CLSTN3: variants seen among roughly 807,000 people sequenced by gnomAD.
CLSTN3 encodes calsyntenin 3.
In CLSTN3, 36 loss-of-function variants were observed where a neutral mutation model predicts 95.9. That is an observed-to-expected ratio of 0.38 (90% CI 0.29 to 0.50). CLSTN3 has a LOEUF of 0.50. Among genes scored for constraint, CLSTN3 ranks in the 20% least tolerant of loss-of-function variants. CLSTN3 has a pLI of 0.95. For synonymous variants in CLSTN3, 481 were observed against 504.0 expected (o/e 0.95, Z 0.61); for missense variants, 1,084 against 1,268.8 (o/e 0.85, Z 2.21).
chr12:7,143,425 G>C, intron 12 of CLSTN3, 114 bp downstream of exon 12: 1 of 1,210,700 alleles, frequency 8.3e-7, no homozygotes, highest in South Asian at 1.5e-5. Context: ...TATGGATGAG[G>C]AGATTGGGCC....
Position 7,151,054 on chromosome 12 carries a change from A to G in CLSTN3, c.2518A>G (p.Arg840Gly). The G allele has an allele frequency of 6.2e-7, 1 of 1,600,644 alleles. No homozygotes were observed. Among genetic ancestry groups the G allele is most frequent in the Non-Finnish European group, 8.5e-7 (1 of 1,173,012 alleles). The change falls in exon 16 of 18, where the codon AGA (arginine) becomes GGA (glycine). Residue 840 changes from arginine to glycine, a missense_variant. Coordinates refer to ENST00000266546, the MANE Select transcript of CLSTN3 (RefSeq NM_014718.4). ...MAGHSLASSH[R>G]NSMIPSAATL... is the part of the protein sequence containing the mutation. Reference sequence around the variant, plus strand: ...TGGACACAGCCTAGCCAGCTCCCACAGAAACTCCAGTACGTAAGCCTGGTG... The same window carrying G: ...TGGACACAGCCTAGCCAGCTCCCACGGAAACTCCAGTACGTAAGCCTGGTG...
At chr12:7,135,767 A>G (rs1219341922) in intron 4 of CLSTN3, 37 bp from the exon 5 acceptor site, 1 of 1,560,170 alleles carries the variant, frequency 6.4e-7, no homozygotes, top group Non-Finnish European at 8.7e-7. Flanking sequence ...GGCTTTCTCC[A>G]ATGCTCTAAT....
At chr12:7,155,959 A>C in intron 16 of CLSTN3, 1 of 307,322 alleles carries the variant, frequency 3.3e-6, no homozygotes, top group South Asian at 2.7e-5. Flanking sequence ...TGTGGGTGTG[A>C]GTGTGAGGAG....
At chr12:7,153,328 A>G (rs914614492) in intron 16 of CLSTN3, among the ~76,000 whole-genome samples, 1 of 152,122 alleles carries the variant, frequency 6.6e-6, no homozygotes, top group Non-Finnish European at 1.5e-5. Flanking sequence ...GACTTTTTAT[A>G]GAGACAAGGT....
Position 7,157,737 on chromosome 12 carries a change from A to C in CLSTN3, c.2730+46A>C. ...GGGTTCTGTAGGGTCAAGACTGTGG[A>C]GCACACACGGTGAGGACTCCTGAGG... On this transcript the variant is annotated intron_variant, in intron 17 of 17. Transcript: ENST00000266546. This position sits in a 1 kb window ranked among gnomAD's most constrained non-coding sequence, Gnocchi z 5.9. 1 of 1,540,346 alleles carries C rather than the reference A, an allele frequency of 6.5e-7. No individual in the cohort carries two copies. The highest frequency in any genetic ancestry group is 8.8e-7 in the Non-Finnish European group (1 of 1,139,312).
upstream of CLSTN3, chr12:7,130,303 T>TGGCCC: frequency 1.3e-6 from 1 of 778,326 alleles, no homozygotes; most frequent in Non-Finnish European, 1.6e-6. Context: ...CAGCACCTGG[T>TGGCCC]CCCCCCCCCT....
rs765911144 is a variant in CLSTN3, at chr12:7,149,246, T to C, written c.2074+48T>C. The C allele has an allele frequency of 2.0e-6, 3 of 1,526,390 alleles. No homozygotes were observed. Among genetic ancestry groups the C allele is most frequent in the Admixed American group, 1.8e-5 (1 of 56,774 alleles). 94.6% of individuals were successfully genotyped at this position (1,526,390 alleles called of 1,614,324 possible). ...ACACCATCCAGAGAACCAGCCAGTGTCTGGAGTCAGAGTGTGGGAGAACTC... is the reference window on the plus strand; with the variant it reads ...ACACCATCCAGAGAACCAGCCAGTGCCTGGAGTCAGAGTGTGGGAGAACTC... On this transcript the variant is annotated intron_variant, in intron 13 of 17. Transcript: ENST00000266546. The surrounding 1 kb of genome is among the most constrained non-coding windows in gnomAD (Gnocchi z 4.5).
Position 7,150,785 on chromosome 12 carries a change from G to A in CLSTN3, c.2391+96G>A, listed in dbSNP as rs1033106091. 1 of 1,567,440 alleles carries A rather than the reference G, an allele frequency of 6.4e-7. No homozygotes were observed. The highest frequency in any genetic ancestry group is 8.7e-7 in the Non-Finnish European group (1 of 1,148,862). On this transcript the variant is annotated intron_variant, in intron 15 of 17. Transcript: ENST00000266546. This position sits in a 1 kb window ranked among gnomAD's most constrained non-coding sequence, Gnocchi z 4.0. The stretch of plus-strand genomic sequence containing the variant: ...AATGTTAGTTGGTGGGCATGGACAT[G>A]GCAGCGTGGAGGGCTGCTGGACCTT...
At chr12:7,151,864 G>T (rs935959994) in intron 16 of CLSTN3, among the ~76,000 whole-genome samples, 1 of 152,098 alleles carries the variant, frequency 6.6e-6, no homozygotes, top group Non-Finnish European at 1.5e-5. Context: ...ACCAGCCTGG[G>T]CAACACAGTG....
chr12:7,153,452 C>T (rs886807325), intron 16 of CLSTN3, among the ~76,000 whole-genome samples: 12 of 152,242 alleles, frequency 7.9e-5, no homozygotes, highest in South Asian at 2.1e-4. Context: ...GACTTGCAGA[C>T]GCCTTTTTCA....
chr12:7,130,913 C>T (rs1348296238), intron 1 of CLSTN3: 1 of 622,368 alleles, frequency 1.6e-6, no homozygotes, highest in African/African-American at 1.8e-5. Context: ...CTTTCTGGTC[C>T]ATCTCTACCC....
At chr12:7,143,066 C>T (rs1362474117) in intron 11 of CLSTN3, 40 bp downstream of exon 11, 4 of 1,599,958 alleles carry the variant, frequency 2.5e-6, no homozygotes, top group Non-Finnish European at 3.4e-6. Context: ...CCCAGCATGC[C>T]CCTTGCCCCA....
intron 12 of CLSTN3, among the ~76,000 whole-genome samples, chr12:7,145,312 T>TA (rs1249571239): frequency 6.6e-6 from 1 of 151,846 alleles, no homozygotes; most frequent in Non-Finnish European, 1.5e-5. Flanking sequence ...GCTATCCTAA[T>TA]ACTTCCCTGA....
rs1939278477 is a variant in CLSTN3 at position 7,130,635 on chromosome 12, C to T, written c.-14C>T. ...GAGGCAAACGCCTGGCCCTGCCCTG[C>T]CCCACGCCGCACCATGACCCTCCTG... On this transcript the variant is annotated 5_prime_UTR_variant, in exon 1 of 18. Transcript: ENST00000266546. The T allele has an allele frequency of 2.6e-6, 4 of 1,561,648 alleles. No individual in the cohort carries two copies. The African/African-American group carries it at 5.4e-5, about 21-fold the overall frequency.
chr12:7,149,778 T>A lies in CLSTN3; in HGVS notation c.2245+85T>A. On this transcript the variant is annotated intron_variant, in intron 14 of 17. Transcript: ENST00000266546. This position sits in a 1 kb window ranked among gnomAD's most constrained non-coding sequence, Gnocchi z 4.5. ...CCTAGGAAGCCCAGAGGGTCCTCCTTCCAGGTCCAGGGATGTGGACAAGTG... is the reference window on the plus strand; with the variant it reads ...CCTAGGAAGCCCAGAGGGTCCTCCTACCAGGTCCAGGGATGTGGACAAGTG... 1 of 1,297,496 alleles carries A rather than the reference T, an allele frequency of 7.7e-7. No homozygotes were observed. The highest frequency in any genetic ancestry group is 1.1e-6 in the Non-Finnish European group (1 of 938,292). The allele number at this position is 1,297,496 out of a possible 1,614,324, so 80.4% of individuals were successfully genotyped here.
At chr12:7,147,562 A>G (rs1407868051) in intron 12 of CLSTN3, among the ~76,000 whole-genome samples, 1 of 144,960 alleles carries the variant, frequency 6.9e-6, no homozygotes, top group Non-Finnish European at 1.5e-5. Flanking sequence ...CCCAGGCTGG[A>G]GTGCAGTGGC....
At position 7,142,110 on chromosome 12, in the gene CLSTN3, A is replaced by T. The variant is rs373109051; in HGVS notation, c.1511A>T (p.Lys504Met). Residue 504 changes from lysine (K) to methionine (M), a missense_variant, in exon 10 of 18, where the codon AAG becomes ATG. Physicochemically the swap from Lys to Met is moderately conservative, Grantham distance 95. Coordinates refer to ENST00000266546, the MANE Select transcript of CLSTN3 (RefSeq NM_014718.4). ...GAGGAGAAGAACAAAGAGAAGGAAA[A>T]GGGAGACAACAGTACAGACACCACC... The part of the protein sequence containing the change: ...WTEEKNKEKE[K>M]GDNSTDTTQG... 4.9e-5 allele frequency: 79 copies of T among 1,605,954 alleles called. No homozygotes were observed. The highest frequency in any genetic ancestry group is 6.4e-5 in the Non-Finnish European group (75 of 1,175,316).
chr12:7,131,848 C>T (rs1276340993), intron 1 of CLSTN3: 1 of 456,424 alleles, frequency 2.2e-6, no homozygotes. Flanking sequence ...AGTAAGAAAG[C>T]CTTCCCATGC....
rs947521016 is a variant in CLSTN3, at chr12:7,130,384, G to T, written c.-265G>T. ...TGTGCTGACGTCATCCTGCAGTAGC[G>T]GGGTTGGGGTGGGAGTGAGAGAGTG... is the stretch of plus-strand genomic sequence containing the variant. On this transcript the variant is annotated 5_prime_UTR_variant, in exon 1 of 18. Transcript: ENST00000266546. The T allele has an allele frequency of 1.6e-4, 232 of 1,411,660 alleles. No individual in the cohort carries two copies. The highest frequency in any genetic ancestry group is 2.1e-4 in the Non-Finnish European group (223 of 1,084,264). The allele number at this position is 1,411,660 out of a possible 1,614,324, so 87.4% of individuals were successfully genotyped here. A position where few individuals can be genotyped will look rare whatever the true frequency, so the allele number is the denominator to read the frequency against.
Sources: gnomAD v4.1 joint callset for allele counts (sites outside exome capture counted in the v4.1 genomes callset) on GRCh38, gnomAD v4.1.1 for gene constraint, Gnocchi (gnomAD v3.1) non-coding constraint, MANE v1.5 for transcripts, NCBI Gene and HGNC (gene_info 2026-07-23, HGNC 2026-07-21) for gene names.